The following CDRT4 variants were observed in gnomAD, a reference collection of about 807,000 sequenced individuals.
CDRT4 encodes CMT1A duplicated region transcript 4 protein.
For synonymous variants in CDRT4, 64 were observed against 69.6 expected (o/e 0.92, Z 0.40); for missense variants, 167 against 193.1 (o/e 0.87, Z 0.80).
intron 2 of CDRT4, among the ~76,000 whole-genome samples, chr17:15,442,064 G>T (rs1978787378): frequency 6.6e-6 from 1 of 152,170 alleles, no homozygotes; most frequent in Non-Finnish European, 1.5e-5. Flanking sequence ...ACTTGGGCCT[G>T]TCCACCTCTA....
At position 15,436,617 on chromosome 17, in the gene CDRT4, G is replaced by A. The variant is rs1409982543; in HGVS notation, c.*1156C>T. The A allele has an allele frequency of 6.6e-6, 1 of 152,198 alleles. No homozygotes were observed. The highest frequency in any genetic ancestry group is 2.4e-5 in the African/African-American group (1 of 41,444). 9.4% of individuals were successfully genotyped at this position (152,198 alleles called of 1,614,324 possible). A position where few individuals can be genotyped will look rare whatever the true frequency, so the allele number is the denominator to read the frequency against. On this transcript the variant is annotated 3_prime_UTR_variant, in exon 4 of 4. Coordinates refer to ENST00000619038, the MANE Select transcript of CDRT4 (RefSeq NM_001204477.2). ...CAAATAACAGCTGGAGTCCTGCCAG[G>A]AGCTCCTCCCCCAAGCACTTGGTTC...
At position 15,449,798 on chromosome 17, in the gene CDRT4, G is replaced by A. The variant is rs76157941; in HGVS notation, c.-48+3206C>T. ...CATCGTTTACCTCCCAGTCATAAGTGAGAACATGTGATATTTTATTTTCTG... is the reference window on the plus strand; with the variant it reads ...CATCGTTTACCTCCCAGTCATAAGTAAGAACATGTGATATTTTATTTTCTG... On this transcript the variant is annotated intron_variant, in intron 2 of 3. Coordinates refer to ENST00000619038, the MANE Select transcript of CDRT4 (RefSeq NM_001204477.2). Among the ~76,000 whole-genome samples the A allele has an allele frequency of 1.1e-4, 16 of 152,252 alleles. No individual in the cohort carries two copies. The East Asian group carries it at 2.7e-3, about 26-fold the overall frequency.
chr17:15,438,656 C>T lies in CDRT4; in HGVS notation c.32-456G>A, dbSNP rs529090525. 2.9e-4 allele frequency among the ~76,000 whole-genome samples: 44 copies of T among 152,292 alleles called. 1 individual carries two copies. In the South Asian group the frequency reaches 7.7e-3, roughly 27 times the overall value. ...ATAGCTGTGAACCTTGAACAAGTTT[C>T]TTAACCTTGCTAAACTTCAAGTGCT... On this transcript the variant is annotated intron_variant, in intron 3 of 3. Transcript: ENST00000619038.
intron 1 of CDRT4, among the ~76,000 whole-genome samples, chr17:15,457,602 A>G (rs1979544404): frequency 6.6e-6 from 1 of 152,260 alleles, no homozygotes; most frequent in Non-Finnish European, 1.5e-5. Flanking sequence ...GAAATCTGGA[A>G]GAATTTAACA....
At chr17:15,466,374 AG>A (rs1011872070) in intron 1 of CDRT4, among the ~76,000 whole-genome samples, 1 of 152,188 alleles carries the variant, frequency 6.6e-6, no homozygotes, top group African/African-American at 2.4e-5. Context: ...GATGGGGAGA[AG>A]GGAAGGGCTG....
intron 2 of CDRT4, among the ~76,000 whole-genome samples, chr17:15,445,743 A>T (rs1294160315): frequency 2.0e-5 from 3 of 152,160 alleles, no homozygotes; most frequent in African/African-American, 7.2e-5. Context: ...GCTCCACTGG[A>T]AACAAGACCT....
At chr17:15,446,978 A>G (rs1366481672) in intron 2 of CDRT4, among the ~76,000 whole-genome samples, 1 of 152,056 alleles carries the variant, frequency 6.6e-6, no homozygotes, top group Non-Finnish European at 1.5e-5. Flanking sequence ...AGCTCCAAAC[A>G]TTACTCTTCT....
intron 1 of CDRT4, among the ~76,000 whole-genome samples, chr17:15,465,467 C>T (rs936065350): frequency 1.5e-4 from 22 of 150,042 alleles, no homozygotes; most frequent in African/African-American, 4.9e-4. Context: ...ACACACATAA[C>T]GGAGATACAC....
intron 2 of CDRT4, among the ~76,000 whole-genome samples, chr17:15,440,621 C>T (rs574022035): frequency 3.1e-4 from 47 of 152,146 alleles, no homozygotes; most frequent in African/African-American, 1.1e-3. Context: ...AAAAAAAAGT[C>T]CCCGTTTCAA....
intron 2 of CDRT4, chr17:15,444,030 G>A (rs1478472258): frequency 1.2e-6 from 1 of 822,674 alleles, no homozygotes; most frequent in Non-Finnish European, 2.0e-6. Flanking sequence ...TGCCTGTTCA[G>A]TATCTCAAAC....
At chr17:15,459,439 CTTTTTTTTTT>C (rs35161691) in intron 1 of CDRT4, among the ~76,000 whole-genome samples, 32 of 107,486 alleles carry the variant, frequency 3.0e-4, no homozygotes, top group African/African-American at 9.7e-4. Context: ...CTTTTTTTTT[CTTTTTTTTTT>C]TTTTTTTTTT....
intron 2 of CDRT4, among the ~76,000 whole-genome samples, chr17:15,440,492 G>C (rs1978708760): frequency 2.0e-5 from 3 of 152,116 alleles, no homozygotes; most frequent in Admixed American, 6.5e-5. Flanking sequence ...CCTTGCTCAA[G>C]AGCTGTAGAC....
At position 15,445,797 on chromosome 17, in the gene CDRT4, T is replaced by A. The variant is rs1053844612; in HGVS notation, c.-47-5512A>T. ...CTCTTTCTTCTCTTCTCTGCTCCAA[T>A]CTGCAAGGCTTCTTTTGTTTGTCTC... On this transcript the variant is annotated intron_variant, in intron 2 of 3. Transcript: ENST00000619038. 1.2e-4 allele frequency among the ~76,000 whole-genome samples: 18 copies of A among 152,196 alleles called. 1 individual carries two copies. Among genetic ancestry groups the A allele is most frequent in the African/African-American group, 4.3e-4 (18 of 41,442 alleles).
At chr17:15,463,104 TGTGTGG>T (rs1359351389) in intron 1 of CDRT4, among the ~76,000 whole-genome samples, 23 of 151,948 alleles carry the variant, frequency 1.5e-4, no homozygotes, top group African/African-American at 4.4e-4. Flanking sequence ...TATGCATGCG[TGTGTGG>T]GTGTGAGTGT....
chr17:15,460,767 A>C (rs1299542086), intron 1 of CDRT4, among the ~76,000 whole-genome samples: 1 of 152,040 alleles, frequency 6.6e-6, no homozygotes, highest in Non-Finnish European at 1.5e-5. Context: ...CAACACAAAC[A>C]TCCCTTTCCA....
At chr17:15,440,386 A>C in intron 2 of CDRT4, 101 bp from the exon 3 acceptor site, 6 of 1,333,930 alleles carry the variant, frequency 4.5e-6, no homozygotes, top group Non-Finnish European at 6.2e-6. Flanking sequence ...TGGTCACTGC[A>C]TGAGGCTAAG....
intron 2 of CDRT4, chr17:15,443,538 G>A (rs989260762): frequency 1.5e-5 from 3 of 204,562 alleles, no homozygotes; most frequent in Non-Finnish European, 2.9e-5. Context: ...CCACCTCTGC[G>A]TCCCAAAGTG....
At chr17:15,461,683 T>C (rs1349619776) in intron 1 of CDRT4, among the ~76,000 whole-genome samples, 3 of 152,156 alleles carry the variant, frequency 2.0e-5, no homozygotes, top group East Asian at 1.9e-4. Context: ...AACCACCAGA[T>C]TGGACCATTT....
At chr17:15,463,862 A>G (rs569709504) in intron 1 of CDRT4, among the ~76,000 whole-genome samples, 1 of 152,348 alleles carries the variant, frequency 6.6e-6, no homozygotes, top group South Asian at 2.1e-4. Context: ...GGGAAGATAC[A>G]AGGCTGGGGT....
Sources: allele counts gnomAD v4.1 joint callset (sites outside exome capture counted in the v4.1 genomes callset), GRCh38; gene constraint gnomAD v4.1.1; transcripts MANE v1.5; gene names NCBI Gene and HGNC (gene_info 2026-07-23, HGNC 2026-07-21).